Variants in CACNA1B observed in about 807,000 individuals in gnomAD.
CACNA1B encodes the protein voltage-dependent N-type calcium channel subunit alpha-1B.
In CACNA1B, 70 loss-of-function variants were observed where a neutral mutation model predicts 247.2. The ratio of observed to expected loss-of-function variants is 0.28; its 90% CI spans 0.23 to 0.35. The LOEUF (loss-of-function observed/expected upper bound fraction) is 0.35, where lower values mean the gene tolerates loss of function less well. Ranked by LOEUF, CACNA1B falls within the 10% of genes least tolerant of loss-of-function variation. The probability of loss-of-function intolerance (pLI) is 1.00; values close to 1 mark genes in which losing one functional copy is unlikely to be tolerated. For missense variants in CACNA1B, 2,367 were observed against 3,197.4 expected (o/e 0.74, Z 6.26); for synonymous variants, 1,231 against 1,294.4 (o/e 0.95, Z 1.05).
rs1187432410 is a variant in CACNA1B at position 138,012,729 on chromosome 9, CA to C, written c.2161-397del. 2.0e-5 allele frequency among the ~76,000 whole-genome samples: 3 copies of C among 148,814 alleles called. No individual in the cohort carries two copies. Among genetic ancestry groups the C allele is most frequent in the Non-Finnish European group, 3.0e-5 (2 of 67,098 alleles). On this transcript the variant is annotated intron_variant, in intron 17 of 46. Coordinates refer to ENST00000371372, the MANE Select transcript of CACNA1B (RefSeq NM_000718.4). This position sits in a 1 kb window ranked among gnomAD's most constrained non-coding sequence, Gnocchi z 4.2. ...ACCCTGTCTCTAAAAAAAAAAAAAA[CA>C]AATAACAAAAAACAAAACAAACAAA...
In CACNA1B at chr9:138,122,469, C is replaced by T. The variant is rs189632966; in HGVS notation, c.*470C>T. 239 of 165,428 alleles carry T rather than the reference C, an allele frequency of 1.4e-3. No homozygotes were observed. The highest frequency in any genetic ancestry group is 5.1e-3 in the African/African-American group (214 of 41,956). 10.2% of individuals were successfully genotyped at this position (165,428 alleles called of 1,614,324 possible). A position where few individuals can be genotyped will look rare whatever the true frequency, so the allele number is the denominator to read the frequency against. ...GATGGGGAGGGGGACACAGTCGTGG[C>T]TTGTGCAGCCCGCCAGTGTCAGCGA... On this transcript the variant is annotated 3_prime_UTR_variant, in exon 47 of 47. Transcript: ENST00000371372.
chr9:138,009,218 T>C (rs764325913), intron 16 of CACNA1B, among the ~76,000 whole-genome samples: 43 of 152,210 alleles, frequency 2.8e-4, no homozygotes, highest in Non-Finnish European at 5.0e-4. Context: ...GTGCTTCCCT[T>C]TGGGCCTTGG....
chr9:137,896,589 T>C (rs917356299), intron 3 of CACNA1B, among the ~76,000 whole-genome samples: 2 of 152,244 alleles, frequency 1.3e-5, no homozygotes, highest in African/African-American at 4.8e-5. Context: ...GTAGTGTTTT[T>C]TGGTACCGTC....
intron 3 of CACNA1B, among the ~76,000 whole-genome samples, chr9:137,904,813 A>G (rs1957279676): frequency 1.3e-5 from 2 of 151,746 alleles, no homozygotes; most frequent in African/African-American, 4.8e-5. Flanking sequence ...CATTTTATCT[A>G]TTTTTTTCCT....
rs778769642 is a variant in CACNA1B at position 138,050,150 on chromosome 9, G to A, written c.3710+835G>A. ...ACAGCATTCCAGCAGCCCCTCTTGGGTCATTTCATCTCCAGCCTCACCCCC... is the reference window on the plus strand; with the variant it reads ...ACAGCATTCCAGCAGCCCCTCTTGGATCATTTCATCTCCAGCCTCACCCCC... On this transcript the variant is annotated intron_variant, in intron 24 of 46. Coordinates refer to ENST00000371372, the MANE Select transcript of CACNA1B (RefSeq NM_000718.4). The surrounding 1 kb of genome is among the most constrained non-coding windows in gnomAD (Gnocchi z 5.2). 3 of 1,196,012 alleles carry A rather than the reference G, an allele frequency of 2.5e-6. No homozygotes were observed. The highest frequency in any genetic ancestry group is 3.3e-6 in the Non-Finnish European group (3 of 903,424). The allele number at this position is 1,196,012 out of a possible 1,614,324, so 74.1% of individuals were successfully genotyped here. A position where few individuals can be genotyped will look rare whatever the true frequency, so the allele number is the denominator to read the frequency against.
intron 32 of CACNA1B, among the ~76,000 whole-genome samples, chr9:138,070,453 GC>G (rs1194022498): frequency 1.3e-5 from 2 of 152,246 alleles, no homozygotes; most frequent in Admixed American, 6.5e-5. Flanking sequence ...CGGTCAGCAA[GC>G]TCATTTGGAG....
intron 20 of CACNA1B, among the ~76,000 whole-genome samples, chr9:138,041,523 T>C (rs1008391821): frequency 1.3e-5 from 2 of 152,206 alleles, no homozygotes; most frequent in Admixed American, 1.3e-4. Flanking sequence ...ACAATGACTT[T>C]AGTCTGTTGC....
chr9:137,913,213 G>A lies in CACNA1B; in HGVS notation c.564G>A (p.Leu188=). Reference sequence around the variant, plus strand: ...CCACGGCTGGAACTGACTTCGACCTGCGAACACTGAGGGCTGTGCGTGTGC... The same window carrying A: ...CCACGGCTGGAACTGACTTCGACCTACGAACACTGAGGGCTGTGCGTGTGC... The part of the protein sequence containing the change: ...ILATAGTDFD[L]RTLRAVRVLR... The change falls in exon 4 of 47, where the codon CTG becomes CTA. Residue 188 remains leucine (L), a synonymous_variant. Coordinates refer to ENST00000371372, the MANE Select transcript of CACNA1B (RefSeq NM_000718.4). This position sits in a 1 kb window ranked among gnomAD's most constrained non-coding sequence, Gnocchi z 5.2. 5.6e-6 allele frequency: 9 copies of A among 1,613,934 alleles called. No homozygotes were observed. The highest frequency in any genetic ancestry group is 7.6e-6 in the Non-Finnish European group (9 of 1,179,878).
At chr9:137,935,653 G>T (rs1358250104) in intron 6 of CACNA1B, among the ~76,000 whole-genome samples, 2 of 152,156 alleles carry the variant, frequency 1.3e-5, no homozygotes, top group African/African-American at 4.8e-5. Context: ...GGTATTTCTA[G>T]TTCTAGATCC....
intron 31 of CACNA1B, among the ~76,000 whole-genome samples, chr9:138,068,259 G>C (rs1959998000): frequency 6.6e-6 from 1 of 152,216 alleles, no homozygotes; most frequent in African/African-American, 2.4e-5. Flanking sequence ...AGGAGGAAGG[G>C]AGACCCGAGA....
rs1310751017 is a variant in CACNA1B, at chr9:138,007,729, C to T, written c.2092+845C>T. On this transcript the variant is annotated intron_variant, in intron 16 of 46. Transcript: ENST00000371372. The surrounding 1 kb of genome is among the most constrained non-coding windows in gnomAD (Gnocchi z 4.1). ...CCGTGTTTCTGTTCTGGGGACCCCA[C>T]TTTGAGAACTGCTGTGACAGAACAC... 6.6e-6 allele frequency among the ~76,000 whole-genome samples: 1 copy of T among 152,138 alleles called. No individual in the cohort carries two copies. The highest frequency in any genetic ancestry group is 1.5e-5 in the Non-Finnish European group (1 of 68,028).
chr9:138,118,793 C>T (rs767651659), intron 44 of CACNA1B, 25 bp downstream of exon 44: 5 of 1,146,212 alleles, frequency 4.4e-6, no homozygotes, highest in South Asian at 2.7e-5. Context: ...AGGGTCCAGG[C>T]CCTGGGCTGG....
intron 3 of CACNA1B, among the ~76,000 whole-genome samples, chr9:137,912,043 A>C (rs566628380): frequency 5.6e-4 from 86 of 152,350 alleles, no homozygotes; most frequent in Middle Eastern, 3.4e-3. Flanking sequence ...AAAAAGGTAC[A>C]TCTTTTATAC....
intron 3 of CACNA1B, among the ~76,000 whole-genome samples, chr9:137,894,846 G>A (rs573731847): frequency 2.6e-5 from 4 of 151,972 alleles, no homozygotes; most frequent in South Asian, 2.1e-4. Flanking sequence ...TCCCATTTTC[G>A]TAACAGAGAC....
chr9:138,019,763 T>G (rs575030020), intron 18 of CACNA1B, among the ~76,000 whole-genome samples: 21 of 152,218 alleles, frequency 1.4e-4, no homozygotes, highest in African/African-American at 5.1e-4. Flanking sequence ...CAAGAAAGCA[T>G]GCTGGATCCT....
intron 15 of CACNA1B, among the ~76,000 whole-genome samples, chr9:137,989,867 C>G (rs988625250): frequency 6.6e-6 from 1 of 152,102 alleles, no homozygotes; most frequent in Non-Finnish European, 1.5e-5. Flanking sequence ...AAGAAATTAA[C>G]TGAAGAAAAA....
intron 10 of CACNA1B, among the ~76,000 whole-genome samples, chr9:137,969,350 G>T (rs1958118028): frequency 6.6e-6 from 1 of 152,226 alleles, no homozygotes; most frequent in Non-Finnish European, 1.5e-5. Flanking sequence ...CATGACTATG[G>T]TTGTGCCTGT....
intron 31 of CACNA1B, among the ~76,000 whole-genome samples, chr9:138,060,083 C>T (rs762630237): frequency 3.3e-5 from 5 of 152,014 alleles, no homozygotes; most frequent in South Asian, 2.1e-4. Context: ...TAAACTGAAA[C>T]CAGTAAGGAT....
chr9:138,055,525 G>C (rs1238588259), intron 26 of CACNA1B, among the ~76,000 whole-genome samples: 1 of 152,116 alleles, frequency 6.6e-6, no homozygotes, highest in Non-Finnish European at 1.5e-5. Context: ...CCCAAGGCCA[G>C]GGATGTTTTC....
Sources: allele counts gnomAD v4.1 joint callset (sites outside exome capture counted in the v4.1 genomes callset), GRCh38; gene constraint gnomAD v4.1.1; non-coding constraint Gnocchi (gnomAD v3.1); transcripts MANE v1.5; gene names NCBI Gene and HGNC (gene_info 2026-07-23, HGNC 2026-07-21).